Variants in ASMTL observed in about 807,000 individuals in gnomAD.
ASMTL encodes acetylserotonin O-methyltransferase like.
A neutral mutation model predicts 60.3 loss-of-function variants in ASMTL; 57 were observed. The observed-to-expected ratio is 0.95, with a 90% CI of 0.76 to 1.18. ASMTL has a LOEUF of 1.18. Ranked by LOEUF, ASMTL falls within the 50% of genes most tolerant of loss-of-function variation. The pLI is 0.00. For missense variants in ASMTL, 981 were observed against 852.6 expected (o/e 1.15, Z -1.88); for synonymous variants, 419 against 373.0 (o/e 1.12, Z -1.42).
intron 12 of ASMTL, among the ~76,000 whole-genome samples, chrX:1,411,209 CAGAGAAAG>C (rs1216879454): frequency 8.4e-6 from 1 of 118,636 alleles, no homozygotes; most frequent in African/African-American, 3.2e-5. Context: ...GAGAGATACA[CAGAGAAAG>C]AGAGAAAGAA....
intron 3 of ASMTL, 143 bp downstream of exon 3, chrX:1,438,954 T>G (rs28706828): frequency 0.049 from 45,090 of 918,890 alleles, 7,055 homozygotes; most frequent in African/African-American, 0.46. Context: ...GCCCCTCATC[T>G]GCTGGTAGTT....
At chrX:1,418,197 A>C in intron 10 of ASMTL, 81 bp from the exon 11 acceptor site, 1 of 1,467,488 alleles carries the variant, frequency 6.8e-7, no homozygotes, top group South Asian at 1.3e-5. Flanking sequence ...CTGGGGCAGA[A>C]GTAATGTTCA....
Position 1,421,627 on chromosome X carries a change from C to T in ASMTL, c.1245+31G>A, listed in dbSNP as rs746377703. On this transcript the variant is annotated intron_variant, in intron 9 of 12. Coordinates refer to ENST00000381317, the MANE Select transcript of ASMTL (RefSeq NM_004192.4). The stretch of plus-strand genomic sequence containing the variant: ...GTGTTTTAGCAAAATGCACGCTAGA[C>T]GGAAAGGTGTCCGCGGGGGTGTTAT... 57 of 1,612,806 alleles carry T rather than the reference C, an allele frequency of 3.5e-5. No individual in the cohort carries two copies. In the Middle Eastern group the frequency reaches 5.0e-4, roughly 14 times the overall value.
intron 1 of ASMTL, 95 bp from the exon 2 acceptor site, chrX:1,442,412 C>G: frequency 7.1e-7 from 1 of 1,406,294 alleles, no homozygotes; most frequent in African/African-American, 1.4e-5. Context: ...ATAGCGTTTG[C>G]TACACTCCCC....
chrX:1,434,983 C>T (rs760662914), intron 5 of ASMTL, 39 bp downstream of exon 5: 82 of 1,611,924 alleles, frequency 5.1e-5, no homozygotes, highest in South Asian at 2.2e-4. Context: ...GTCCTTGTCT[C>T]GGCCTCTGGG....
At chrX:1,435,327 C>G (rs1347893484) in intron 4 of ASMTL, 11 of 619,754 alleles carry the variant, frequency 1.8e-5, no homozygotes, top group Admixed American at 1.4e-4. Context: ...CAGCTCTCAG[C>G]TGGGCCTATG....
intron 12 of ASMTL, among the ~76,000 whole-genome samples, chrX:1,407,724 A>AT (rs1437609801): frequency 9.9e-5 from 15 of 151,734 alleles, no homozygotes; most frequent in Admixed American, 2.0e-4. Flanking sequence ...TCTCTATTTT[A>AT]TTTTTTTTAA....
intron 2 of ASMTL, among the ~76,000 whole-genome samples, chrX:1,440,136 G>C (rs1301414889): frequency 6.6e-6 from 1 of 151,290 alleles, no homozygotes; most frequent in African/African-American, 2.4e-5. Context: ...GCCCAGGCTG[G>C]AGGGCAGTGG....
intron 7 of ASMTL, among the ~76,000 whole-genome samples, chrX:1,426,528 C>G (rs1417606823): frequency 6.6e-6 from 1 of 152,162 alleles, no homozygotes; most frequent in African/African-American, 2.4e-5. Context: ...AGGCTGCCAC[C>G]GTGAGGGGCC....
At chrX:1,425,790 C>G (rs1262782508) in intron 7 of ASMTL, 103 bp from the exon 8 acceptor site, 2 of 1,211,936 alleles carry the variant, frequency 1.7e-6, no homozygotes, top group East Asian at 4.9e-5. Context: ...AAGTATACAA[C>G]TTGGCCATTG....
intron 12 of ASMTL, among the ~76,000 whole-genome samples, chrX:1,403,926 T>C (rs1334627075): frequency 2.0e-5 from 3 of 151,662 alleles, no homozygotes; most frequent in Non-Finnish European, 4.4e-5. Context: ...GGTGAATAGA[T>C]GGTAGATGAT....
chrX:1,446,691 G>A (rs1310262489), intron 1 of ASMTL, among the ~76,000 whole-genome samples: 1 of 151,990 alleles, frequency 6.6e-6, no homozygotes, highest in Admixed American at 6.6e-5. Flanking sequence ...AGTAGAGACG[G>A]GGTTTCACCA....
At chrX:1,446,631 C>T (rs1302352299) in intron 1 of ASMTL, among the ~76,000 whole-genome samples, 1 of 151,810 alleles carries the variant, frequency 6.6e-6, no homozygotes, top group Non-Finnish European at 1.5e-5. Flanking sequence ...TCCCAAGTAG[C>T]TGGGACTGCA....
intron 12 of ASMTL, among the ~76,000 whole-genome samples, chrX:1,411,983 TTG>T (rs1217037527): frequency 1.3e-4 from 19 of 151,758 alleles, no homozygotes; most frequent in African/African-American, 4.6e-4. Flanking sequence ...GGCTTATTTT[TTG>T]TGTTTGTTTT....
At chrX:1,429,260 G>C (rs1426394049) in intron 6 of ASMTL, among the ~76,000 whole-genome samples, 1 of 151,532 alleles carries the variant, frequency 6.6e-6, no homozygotes, top group Non-Finnish European at 1.5e-5. Context: ...GGTTGCTCAG[G>C]CTGAAGTGCA....
chrX:1,418,837 A>G, intron 10 of ASMTL, 145 bp downstream of exon 10: 1 of 1,034,640 alleles, frequency 9.7e-7, no homozygotes, highest in Non-Finnish European at 1.4e-6. Flanking sequence ...ATATCCACCC[A>G]TGATCTGGGA....
Position 1,413,529 on chromosome X carries a change from G to T in ASMTL, c.1523-675C>A, listed in dbSNP as rs191158054. On this transcript the variant is annotated intron_variant, in intron 11 of 12. Coordinates refer to ENST00000381317, the MANE Select transcript of ASMTL (RefSeq NM_004192.4). ...CCCAGGAGGGTTGCCTGTTGCGGGG[G>T]GCGCATGTAGCTGCACGCCCCTCTG... Among the ~76,000 whole-genome samples, 194 of 152,338 alleles carry T rather than the reference G, an allele frequency of 1.3e-3. No homozygotes were observed. Among genetic ancestry groups the T allele is most frequent in the Non-Finnish European group, 2.4e-3 (166 of 68,030 alleles).
upstream of ASMTL, among the ~76,000 whole-genome samples, chrX:1,453,162 TCAGGCCACGCC>T (rs2091438424): frequency 8.9e-5 from 11 of 124,250 alleles, no homozygotes; most frequent in South Asian, 3.2e-3. Context: ...GCCCTCTCCG[TCAGGCCACGCC>T]CAGGCCACAC....
chrX:1,450,863 G>GT (rs2091353160), intron 1 of ASMTL, among the ~76,000 whole-genome samples: 2 of 140,770 alleles, frequency 1.4e-5, no homozygotes, highest in African/African-American at 2.9e-5. Flanking sequence ...CCATCCCTAG[G>GT]GGTCCCGGGT....
Sources: gnomAD v4.1 joint callset for allele counts (sites outside exome capture counted in the v4.1 genomes callset) on GRCh38, gnomAD v4.1.1 for gene constraint, MANE v1.5 for transcripts, NCBI Gene and HGNC (gene_info 2026-07-23, HGNC 2026-07-21) for gene names.